The following KALRN variants were observed in gnomAD, a reference collection of about 807,000 sequenced individuals.
The protein encoded by KALRN is kalirin.
Under a neutral mutation model 353.7 loss-of-function variants are expected in KALRN, and 70 were observed. The ratio of observed to expected loss-of-function variants is 0.20; its 90% CI spans 0.16 to 0.24. KALRN has a LOEUF of 0.24. KALRN is among the 10% of genes least tolerant of loss of function. The pLI, the probability that KALRN is intolerant of heterozygous loss-of-function variation, is 1.00. For missense variants in KALRN, 2,791 were observed against 3,756.7 expected (o/e 0.74, Z 6.72); for synonymous variants, 1,391 against 1,434.8 (o/e 0.97, Z 0.69).
intron 5 of KALRN, among the ~76,000 whole-genome samples, chr3:124,276,914 T>A (rs1254374736): frequency 1.3e-5 from 2 of 152,158 alleles, no homozygotes; most frequent in African/African-American, 4.8e-5. Flanking sequence ...AAGCTGGTGC[T>A]CCTCCCTCTT....
intron 11 of KALRN, among the ~76,000 whole-genome samples, chr3:124,392,895 T>A (rs1473031349): frequency 6.6e-6 from 1 of 151,486 alleles, no homozygotes; most frequent in African/African-American, 2.4e-5. Context: ...CACTAACTCG[T>A]TATCTAGCAT....
intron 8 of KALRN, 123 bp downstream of exon 8, chr3:124,330,115 T>C: frequency 2.1e-6 from 2 of 944,594 alleles, no homozygotes. Flanking sequence ...GCTGTTTTTC[T>C]TTTTTTTTGG....
chr3:124,260,064 G>A (rs1017192464), intron 3 of KALRN, among the ~76,000 whole-genome samples: 2 of 152,096 alleles, frequency 1.3e-5, no homozygotes, highest in African/African-American at 2.4e-5. Context: ...GCCATATGAG[G>A]TGCATTCTGA....
intron 6 of KALRN, among the ~76,000 whole-genome samples, chr3:124,317,116 T>C (rs2078887562): frequency 6.6e-6 from 1 of 152,110 alleles, no homozygotes. Context: ...AAGGGCCCAA[T>C]GGGAAAGCTT....
intron 1 of KALRN, among the ~76,000 whole-genome samples, chr3:124,170,435 C>T (rs1485632472): frequency 6.6e-6 from 1 of 152,160 alleles, no homozygotes; most frequent in East Asian, 1.9e-4. Context: ...GTGTCTTATC[C>T]AGCGTCACAT....
At chr3:124,633,643 G>GC (rs2081038867) in intron 35 of KALRN, among the ~76,000 whole-genome samples, 1 of 151,208 alleles carries the variant, frequency 6.6e-6, no homozygotes, top group East Asian at 1.9e-4. Flanking sequence ...GGGGGTGTGT[G>GC]TGTGTGTGTG....
At chr3:124,196,452 A>C (rs932714108) in intron 1 of KALRN, among the ~76,000 whole-genome samples, 1 of 152,192 alleles carries the variant, frequency 6.6e-6, no homozygotes, top group Non-Finnish European at 1.5e-5. Flanking sequence ...GGCAGCAGTG[A>C]CAGCCAGGAA....
At chr3:124,379,244 T>C (rs577377390) in intron 10 of KALRN, among the ~76,000 whole-genome samples, 3 of 152,182 alleles carry the variant, frequency 2.0e-5, no homozygotes, top group Non-Finnish European at 4.4e-5. Flanking sequence ...AAAAATTTTT[T>C]TATTTCTTAA....
intron 51 of KALRN, among the ~76,000 whole-genome samples, chr3:124,690,201 T>G (rs1202498191): frequency 6.6e-6 from 1 of 152,058 alleles, no homozygotes; most frequent in Non-Finnish European, 1.5e-5. Flanking sequence ...AAATAAAAAA[T>G]TTAAGAATAT....
At chr3:124,432,378 C>T (rs1262423669) in intron 16 of KALRN, among the ~76,000 whole-genome samples, 1 of 152,148 alleles carries the variant, frequency 6.6e-6, no homozygotes, top group African/African-American at 2.4e-5. Flanking sequence ...TGCGCCACTG[C>T]ACTCCAGCCT....
At chr3:124,369,837 G>T (rs1403775904) in intron 10 of KALRN, among the ~76,000 whole-genome samples, 1 of 140,936 alleles carries the variant, frequency 7.1e-6, no homozygotes, top group African/African-American at 2.7e-5. Context: ...AACTTTTTTA[G>T]ATTCCACATA....
chr3:124,202,978 T>A (rs1407771652), intron 1 of KALRN, among the ~76,000 whole-genome samples: 2 of 152,168 alleles, frequency 1.3e-5, no homozygotes, highest in Admixed American at 1.3e-4. Context: ...AGCTTTCTTG[T>A]TTCCTTTCCT....
rs1257663480 is a variant in KALRN at position 124,254,348 on chromosome 3, G to A, written c.264-10150G>A. ...CCACCTCTGAAACTTTCTACCCTCA[G>A]TTCTAACAGGAGGAGCTAGCAAGAA... On this transcript the variant is annotated intron_variant, in intron 3 of 59. Coordinates refer to ENST00000682506, the MANE Select transcript of KALRN (RefSeq NM_001388419.1). Among the ~76,000 whole-genome samples the A allele has an allele frequency of 5.5e-5, 8 of 145,904 alleles. No homozygotes were observed. In the Admixed American group the frequency reaches 5.6e-4, roughly 10 times the overall value.
intron 34 of KALRN, among the ~76,000 whole-genome samples, chr3:124,564,076 A>G (rs35664662): frequency 0.37 from 55,013 of 148,476 alleles, 10,757 homozygotes; most frequent in African/African-American, 0.5. Flanking sequence ...ATGGTGGCGC[A>G]CGCCTGTAGT....
At chr3:124,047,799 G>A (rs891785130) in intron 1 of KALRN, among the ~76,000 whole-genome samples, 3 of 151,778 alleles carry the variant, frequency 2.0e-5, no homozygotes, top group African/African-American at 7.3e-5. Context: ...CACGGCGCCC[G>A]GCCAGAACAC....
At chr3:124,491,235 C>T (rs2063131053) in intron 30 of KALRN, 88 bp from the exon 31 acceptor site, 1 of 829,988 alleles carries the variant, frequency 1.2e-6, no homozygotes, top group Non-Finnish European at 1.9e-6. Context: ...GTCCTCTCCT[C>T]TTTGTTGCCT....
intron 10 of KALRN, among the ~76,000 whole-genome samples, chr3:124,373,283 C>T (rs2086118091): frequency 6.6e-6 from 1 of 152,092 alleles, no homozygotes; most frequent in South Asian, 2.1e-4. Context: ...TTTTGTCTCC[C>T]CCCGACTTCT....
At chr3:124,145,708 C>T (rs1189046378) in intron 1 of KALRN, among the ~76,000 whole-genome samples, 1 of 152,208 alleles carries the variant, frequency 6.6e-6, no homozygotes, top group South Asian at 2.1e-4. Flanking sequence ...TGTAACCACT[C>T]CATTTCCTTA....
rs1401581378 is a variant in KALRN, at chr3:124,674,583, A to G, written c.7162A>G (p.Thr2388Ala). Residue 2388 changes from threonine (T) to alanine (A), a missense_variant, in exon 49 of 60, where the codon ACA becomes GCA. By Grantham distance (58) the Thr-to-Ala change is moderately conservative. This residue lies in a region of KALRN where 1,065 missense variants were observed against 1,156.4 expected (regional missense o/e 0.92). Transcript: ENST00000682506. ...GSILAPLTKA[T>A]AAESSDGSIK... Reference sequence around the variant, plus strand: ...CATCCTGGCGCCCCTCACCAAAGCCACAGCAGCAGAAAGTAGTGACGGGAG... The same window carrying G: ...CATCCTGGCGCCCCTCACCAAAGCCGCAGCAGCAGAAAGTAGTGACGGGAG... 6.2e-6 allele frequency: 10 copies of G among 1,605,826 alleles called. No individual in the cohort carries two copies. The highest frequency in any genetic ancestry group is 8.5e-6 in the Non-Finnish European group (10 of 1,174,950).
Sources: gnomAD v4.1 joint callset for allele counts (sites outside exome capture counted in the v4.1 genomes callset) on GRCh38, gnomAD v4.1.1 for gene constraint, gnomAD v4.1.1 regional missense constraint, MANE v1.5 for transcripts, NCBI Gene and HGNC (gene_info 2026-07-23, HGNC 2026-07-21) for gene names.